The following NBEA variants were observed in gnomAD, a reference collection of about 807,000 sequenced individuals.
The protein encoded by NBEA is neurobeachin.
In NBEA, 44 loss-of-function variants were observed where a neutral mutation model predicts 343.4. The observed-to-expected ratio is 0.13, with a 90% CI of 0.10 to 0.16. The LOEUF (loss-of-function observed/expected upper bound fraction) is 0.16, where lower values mean the gene tolerates loss of function less well. Ranked by LOEUF, NBEA falls within the 10% of genes least tolerant of loss-of-function variation. NBEA has a pLI of 1.00. For synonymous variants in NBEA, 1,175 were observed against 1,238.7 expected, an observed-to-expected ratio of 0.95 and a Z score of 1.08; for missense variants, 2,555 against 3,631.3, an observed-to-expected ratio of 0.70 and a Z score of 7.62.
At chr13:35,221,638 A>G (rs1164781630) in intron 33 of NBEA, among the ~76,000 whole-genome samples, 1 of 152,158 alleles carries the variant, frequency 6.6e-6, no homozygotes, top group African/African-American at 2.4e-5. Context: ...ATTTTTTTCT[A>G]GTAAGCATTA....
intron 34 of NBEA, among the ~76,000 whole-genome samples, chr13:35,253,921 A>T (rs1473630858): frequency 6.6e-6 from 1 of 152,182 alleles, no homozygotes; most frequent in East Asian, 1.9e-4. Flanking sequence ...TGATGAAGTT[A>T]TGAAGTTCTT....
chr13:35,074,764 T>G (rs2064038557), intron 10 of NBEA, among the ~76,000 whole-genome samples: 1 of 152,178 alleles, frequency 6.6e-6, no homozygotes, highest in Non-Finnish European at 1.5e-5. Context: ...AAGGTTACTA[T>G]AGTGAAGCAA....
intron 44 of NBEA, among the ~76,000 whole-genome samples, chr13:35,559,343 G>C (rs752000787): frequency 1.3e-5 from 2 of 152,040 alleles, no homozygotes; most frequent in Non-Finnish European, 2.9e-5. Flanking sequence ...TAACGAACAC[G>C]GGTCCTAAAA....
At chr13:35,603,504 C>T (rs560261324) in intron 47 of NBEA, among the ~76,000 whole-genome samples, 4 of 152,016 alleles carry the variant, frequency 2.6e-5, no homozygotes, top group Non-Finnish European at 5.9e-5. Context: ...ATAATGACCA[C>T]ATATTTTATA....
At chr13:35,295,781 A>G (rs1418930879) in intron 35 of NBEA, among the ~76,000 whole-genome samples, 1 of 152,182 alleles carries the variant, frequency 6.6e-6, no homozygotes, top group Non-Finnish European at 1.5e-5. Context: ...TTATATGTTC[A>G]ATTACTTACA....
chr13:35,462,519 T>C (rs2046964181), intron 40 of NBEA, among the ~76,000 whole-genome samples: 1 of 152,208 alleles, frequency 6.6e-6, no homozygotes, highest in African/African-American at 2.4e-5. Context: ...AAGTTGAGAC[T>C]GACAAGCGCT....
intron 17 of NBEA, among the ~76,000 whole-genome samples, chr13:35,134,473 A>G (rs1197683032): frequency 1.3e-5 from 2 of 151,978 alleles, no homozygotes; most frequent in Non-Finnish European, 2.9e-5. Context: ...GGAAATAAAA[A>G]AAGAAATTAT....
At chr13:35,137,234 T>A (rs1329764828) in intron 17 of NBEA, among the ~76,000 whole-genome samples, 1 of 152,120 alleles carries the variant, frequency 6.6e-6, no homozygotes, top group East Asian at 1.9e-4. Flanking sequence ...GTGGATCCCT[T>A]GGTCAGGAGA....
intron 39 of NBEA, among the ~76,000 whole-genome samples, chr13:35,434,983 C>A (rs1234758860): frequency 6.6e-6 from 1 of 151,946 alleles, no homozygotes; most frequent in Non-Finnish European, 1.5e-5. Flanking sequence ...TGGAGAAGAC[C>A]AAAAAAGATA....
chr13:35,276,240 T>G (rs1566554523), intron 34 of NBEA, among the ~76,000 whole-genome samples: 1 of 152,166 alleles, frequency 6.6e-6, no homozygotes, highest in African/African-American at 2.4e-5. Context: ...TTATTTTCCC[T>G]TTTGTTCTAA....
At chr13:35,615,723 G>A (rs1008158691) in intron 48 of NBEA, among the ~76,000 whole-genome samples, 3 of 152,170 alleles carry the variant, frequency 2.0e-5, no homozygotes, top group Non-Finnish European at 4.4e-5. Flanking sequence ...TCCAGGATAG[G>A]TAAGTGGTGG....
At chr13:35,383,154 A>G (rs552152545) in intron 38 of NBEA, among the ~76,000 whole-genome samples, 16 of 152,240 alleles carry the variant, frequency 1.1e-4, no homozygotes, top group African/African-American at 3.9e-4. Context: ...CATAGGCTTT[A>G]GTGGAGGTAA....
intron 41 of NBEA, among the ~76,000 whole-genome samples, chr13:35,489,087 T>C (rs1456993926): frequency 6.6e-6 from 1 of 151,890 alleles, no homozygotes; most frequent in Non-Finnish European, 1.5e-5. Context: ...CCAAGTTTTT[T>C]TTTTAATGAG....
intron 40 of NBEA, among the ~76,000 whole-genome samples, chr13:35,459,372 T>C (rs971420220): frequency 2.0e-5 from 3 of 152,172 alleles, no homozygotes; most frequent in Non-Finnish European, 4.4e-5. Flanking sequence ...TTCTTAAGGC[T>C]GACCATTTCT....
intron 56 of NBEA, among the ~76,000 whole-genome samples, chr13:35,665,857 A>G (rs1246355611): frequency 1.3e-5 from 2 of 152,002 alleles, no homozygotes; most frequent in African/African-American, 4.8e-5. Flanking sequence ...TTAACTCCTG[A>G]CCTCAGGTGA....
At chr13:34,980,143 A>T (rs117134269) in intron 1 of NBEA, among the ~76,000 whole-genome samples, 443 of 151,972 alleles carry the variant, frequency 2.9e-3, no homozygotes, top group Middle Eastern at 0.014. Flanking sequence ...TAAGTTTTCC[A>T]ATTTGTTGTT....
At chr13:35,169,096 C>A in intron 25 of NBEA, 101 bp downstream of exon 25, 1 of 810,142 alleles carries the variant, frequency 1.2e-6, no homozygotes, top group Non-Finnish European at 1.9e-6. Flanking sequence ...GTTTTCATAT[C>A]ATCTTTAACA....
chr13:35,366,073 C>A (rs1205766245), intron 38 of NBEA, among the ~76,000 whole-genome samples: 1 of 151,534 alleles, frequency 6.6e-6, no homozygotes, highest in East Asian at 1.9e-4. Flanking sequence ...ATGTTTATGG[C>A]ATTTTAAGTA....
At position 35,124,749 on chromosome 13, in the gene NBEA, CAT is replaced by C. The variant is rs931096680; in HGVS notation, c.2336+1178_2336+1179del. ...ACACATATGTATGGATATATACACA[CAT>C]ATGTATGGATATATATACACACATA... is the stretch of plus-strand genomic sequence containing the variant. On this transcript the variant is annotated intron_variant, in intron 17 of 58. Transcript: ENST00000379939. 1.9e-4 allele frequency among the ~76,000 whole-genome samples: 29 copies of C among 150,330 alleles called. 1 individual carries two copies. Among genetic ancestry groups the C allele is most frequent in the East Asian group, 7.8e-4 (4 of 5,136 alleles).
Sources: gnomAD v4.1 joint callset for allele counts (sites outside exome capture counted in the v4.1 genomes callset) on GRCh38, gnomAD v4.1.1 for gene constraint, MANE v1.5 for transcripts, NCBI Gene and HGNC (gene_info 2026-07-23, HGNC 2026-07-21) for gene names.